OR51B5: variants seen among roughly 807,000 people sequenced by gnomAD.
The protein encoded by OR51B5 is olfactory receptor family 51 subfamily B member 5.
For missense variants in OR51B5, 456 were observed against 374.6 expected (o/e 1.22, Z -1.79); for synonymous variants, 186 against 144.8 (o/e 1.28, Z -2.04).
intron 1 of OR51B5, among the ~76,000 whole-genome samples, chr11:5,478,879 G>A (rs986873021): frequency 6.0e-5 from 9 of 150,684 alleles, no homozygotes; most frequent in African/African-American, 9.7e-5. Flanking sequence ...CCAAATCTAC[G>A]TCTGATTGGT....
intron 1 of OR51B5, chr11:5,389,542 G>T: frequency 1.2e-6 from 2 of 1,613,768 alleles, no homozygotes; most frequent in East Asian, 4.5e-5. Context: ...TTATGTACAT[G>T]GTTGCCATCT....
intron 1 of OR51B5, chr11:5,390,484 CT>C: frequency 1.0e-6 from 1 of 1,000,264 alleles, no homozygotes; most frequent in South Asian, 1.9e-5. Context: ...TTTTTTGCCC[CT>C]GTCCTAAATA....
chr11:5,403,377 T>C (rs1850003757), intron 1 of OR51B5: 1 of 471,296 alleles, frequency 2.1e-6, no homozygotes, highest in African/African-American at 2.0e-5. Context: ...GATTGGCTTG[T>C]CTATAGTGCA....
intron 1 of OR51B5, among the ~76,000 whole-genome samples, chr11:5,380,678 C>T (rs765055535): frequency 6.6e-6 from 1 of 152,088 alleles, no homozygotes; most frequent in African/African-American, 2.4e-5. Flanking sequence ...TCTGAAAAAG[C>T]TAAGAAAACC....
chr11:5,480,815 T>C (rs1215904286), intron 1 of OR51B5, among the ~76,000 whole-genome samples: 3 of 129,600 alleles, frequency 2.3e-5, no homozygotes, highest in South Asian at 3.1e-4. Flanking sequence ...CAGGAAGAAG[T>C]TGAATCTCTG....
intron 1 of OR51B5, chr11:5,489,334 A>C (rs1851543886): frequency 6.2e-7 from 1 of 1,613,930 alleles, no homozygotes. Context: ...TCTGCTGGCC[A>C]TGGGACTGGA....
At chr11:5,449,955 A>G (rs1212076803) in intron 1 of OR51B5, among the ~76,000 whole-genome samples, 1 of 152,226 alleles carries the variant, frequency 6.6e-6, no homozygotes, top group Non-Finnish European at 1.5e-5. Flanking sequence ...GCCTTTCTGT[A>G]CATTCCTCCA....
In OR51B5 at chr11:5,437,839, G is replaced by A. The variant is rs561299055; in HGVS notation, n.84+67730C>T. Among the ~76,000 whole-genome samples the A allele has an allele frequency of 6.0e-4, 91 of 152,204 alleles. 3 individuals carry two copies. In the South Asian group the frequency reaches 0.017, roughly 29 times the overall value. On this transcript the variant is annotated intron_variant and non_coding_transcript_variant, in intron 1 of 4. Transcript: ENST00000415970. ...TCCATTTTACTTCTTGTTCATCTCA[G>A]TTTTAGAGTGAGGGTGTATTGAGAG... is the stretch of plus-strand genomic sequence containing the variant.
At chr11:5,404,668 C>T (rs369330447) in intron 1 of OR51B5, among the ~76,000 whole-genome samples, 1 of 152,216 alleles carries the variant, frequency 6.6e-6, no homozygotes, top group Non-Finnish European at 1.5e-5. Context: ...TTCTTTTGCT[C>T]TTCACAATAA....
chr11:5,395,400 A>G (rs1270571164), intron 1 of OR51B5, among the ~76,000 whole-genome samples: 1 of 152,194 alleles, frequency 6.6e-6, no homozygotes, highest in Non-Finnish European at 1.5e-5. Context: ...GACCTCTCTA[A>G]TATCCCTTAT....
chr11:5,464,972 C>T (rs1480583957), intron 1 of OR51B5, among the ~76,000 whole-genome samples: 8 of 152,096 alleles, frequency 5.3e-5, no homozygotes, highest in South Asian at 2.1e-4. Context: ...TTTGGGAGGC[C>T]GAGGCGGGCG....
chr11:5,359,163 G>GA (rs1849241099), intron 1 of OR51B5, among the ~76,000 whole-genome samples: 1 of 151,532 alleles, frequency 6.6e-6, no homozygotes, highest in Non-Finnish European at 1.5e-5. Flanking sequence ...GCAGGAGAAG[G>GA]AAAAAAAGGT....
At chr11:5,431,707 G>C (rs1254868608) in intron 1 of OR51B5, 1 of 152,678 alleles carries the variant, frequency 6.5e-6, no homozygotes, top group Non-Finnish European at 1.5e-5. Context: ...AAAAGTTGAA[G>C]AAAGGAGATG....
chr11:5,410,088 G>C (rs1043562621), intron 1 of OR51B5, among the ~76,000 whole-genome samples: 3 of 152,070 alleles, frequency 2.0e-5, no homozygotes, highest in Admixed American at 1.3e-4. Context: ...CAAATACTGA[G>C]AGTATTTGTT....
At chr11:5,463,900 T>C (rs1225035505) in intron 1 of OR51B5, among the ~76,000 whole-genome samples, 1 of 152,208 alleles carries the variant, frequency 6.6e-6, no homozygotes, top group Non-Finnish European at 1.5e-5. Flanking sequence ...CTCACCATGA[T>C]TTGAATGGCT....
intron 1 of OR51B5, among the ~76,000 whole-genome samples, chr11:5,373,904 CACAG>C (rs1268363161): frequency 3.9e-5 from 6 of 152,106 alleles, no homozygotes; most frequent in Non-Finnish European, 7.4e-5. Flanking sequence ...GGGGGCAGGG[CACAG>C]ACAAACAAAA....
At chr11:5,422,185 GAC>G (rs1564808174) in intron 1 of OR51B5, 1 of 1,554,104 alleles carries the variant, frequency 6.4e-7, no homozygotes, top group East Asian at 2.3e-5. Flanking sequence ...TGAATCTGAA[GAC>G]ACATTCATCA....
Position 5,401,880 on chromosome 11 carries a change from T to C in OR51B5, n.85-54970A>G, listed in dbSNP as rs868244768. On this transcript the variant is annotated intron_variant and non_coding_transcript_variant, in intron 1 of 4. Coordinates refer to the OR51B5 transcript ENST00000415970. ...GCTTTTTCTTTTTCCTTCCTTCCTT[T>C]TCTCTCTCTTCCTTCCTTCCTTTTC... is the stretch of plus-strand genomic sequence containing the variant. Among the ~76,000 whole-genome samples the C allele has an allele frequency of 4.1e-5, 6 of 146,398 alleles. No individual in the cohort carries two copies. The East Asian group carries it at 1.2e-3, about 30-fold the overall frequency.
In OR51B5 at chr11:5,396,042, T is replaced by C. The variant is rs78363222; in HGVS notation, n.85-49132A>G. Among the ~76,000 whole-genome samples the C allele has an allele frequency of 5.3e-5, 8 of 152,328 alleles. No homozygotes were observed. In the East Asian group the frequency reaches 1.5e-3, roughly 29 times the overall value. The stretch of plus-strand genomic sequence containing the variant: ...GATGAAGAAACTAAGATTAATCAGA[T>C]ACTTTGCACAATCATAGAGTGAAGA... On this transcript the variant is annotated intron_variant and non_coding_transcript_variant, in intron 1 of 4. Coordinates refer to the OR51B5 transcript ENST00000415970.
Sources: allele counts gnomAD v4.1 joint callset (sites outside exome capture counted in the v4.1 genomes callset), GRCh38; gene constraint gnomAD v4.1.1; transcripts MANE v1.5; gene names NCBI Gene and HGNC (gene_info 2026-07-23, HGNC 2026-07-21).